CLOCK: variants seen among roughly 807,000 people sequenced by gnomAD.
CLOCK encodes clock circadian regulator, also known as circadian locomoter output cycles protein kaput.
In CLOCK, 43 loss-of-function variants were observed where a neutral mutation model predicts 118.4. The ratio of observed to expected loss-of-function variants is 0.36; its 90% CI spans 0.28 to 0.47. The LOEUF (loss-of-function observed/expected upper bound fraction) is 0.47, where lower values mean the gene tolerates loss of function less well. CLOCK is among the 20% of genes least tolerant of loss of function. The pLI is 1.00. For missense variants in CLOCK, 846 were observed against 999.9 expected, an observed-to-expected ratio of 0.85 and a Z score of 2.08; for synonymous variants, 326 against 339.2, an observed-to-expected ratio of 0.96 and a Z score of 0.43.
Position 55,435,543 on chromosome 4 carries a change from C to G in CLOCK, c.2413G>C (p.Ala805Pro). The G allele has an allele frequency of 1.9e-6, 3 of 1,613,984 alleles. No individual in the cohort carries two copies. The highest frequency in any genetic ancestry group is 3.3e-4 in the Middle Eastern group (2 of 6,060). ...NPSTQLILSA[A>P]FPLQQSTFPQ... ...AAGGTGCTCTGTTGTAGAGGAAATG[C>G]AGCAGAGAGAATGAGTTGAGTTGAG... The change falls in exon 23 of 23, where the codon GCA (alanine) becomes CCA (proline). Residue 805 changes from alanine to proline, a missense_variant. By Grantham distance (27) the Ala-to-Pro change is conservative. Coordinates refer to ENST00000513440, the MANE Select transcript of CLOCK (RefSeq NM_004898.4).
chr4:55,473,661 C>T (rs1726297444), intron 7 of CLOCK, among the ~76,000 whole-genome samples: 1 of 151,936 alleles, frequency 6.6e-6, no homozygotes, highest in African/African-American at 2.4e-5. Context: ...TTTTGTTTTG[C>T]TTTTTGTTTT....
At chr4:55,440,039 AAAAC>A (rs1723228100) in intron 21 of CLOCK, among the ~76,000 whole-genome samples, 2 of 152,200 alleles carry the variant, frequency 1.3e-5, no homozygotes, top group African/African-American at 4.8e-5. Flanking sequence ...TCTATAAAAA[AAAAC>A]CTTTTTCTTT....
chr4:55,542,630 G>A (rs1577886990), intron 1 of CLOCK, among the ~76,000 whole-genome samples: 1 of 151,832 alleles, frequency 6.6e-6, no homozygotes, highest in Non-Finnish European at 1.5e-5. Context: ...TGGAGGAGAG[G>A]GTAGTGCATA....
intron 20 of CLOCK, among the ~76,000 whole-genome samples, chr4:55,442,873 A>G (rs1723488559): frequency 6.6e-6 from 1 of 152,122 alleles, no homozygotes; most frequent in African/African-American, 2.4e-5. Context: ...ATTGTAATAG[A>G]GATGATATAA....
At chr4:55,476,842 A>C (rs958584039) in intron 6 of CLOCK, among the ~76,000 whole-genome samples, 1 of 152,196 alleles carries the variant, frequency 6.6e-6, no homozygotes, top group Non-Finnish European at 1.5e-5. Context: ...AAGCAGGCAG[A>C]ATAAAAATCT....
chr4:55,442,297 T>C, intron 21 of CLOCK, 135 bp downstream of exon 21: 1 of 790,732 alleles, frequency 1.3e-6, no homozygotes, highest in Non-Finnish European at 2.1e-6. Flanking sequence ...TGTTTTTATT[T>C]CAAATTTAAG....
chr4:55,464,255 C>T (rs1458526710), intron 8 of CLOCK, among the ~76,000 whole-genome samples: 1 of 152,110 alleles, frequency 6.6e-6, no homozygotes, highest in Non-Finnish European at 1.5e-5. Context: ...TTCATCTTTT[C>T]CTGGCATTTA....
At chr4:55,448,934 A>G in intron 17 of CLOCK, 66 bp from the exon 18 acceptor site, 1 of 1,197,378 alleles carries the variant, frequency 8.4e-7, no homozygotes, top group Non-Finnish European at 1.2e-6. Context: ...TTCCAGCAGA[A>G]ATATCAATAT....
chr4:55,484,365 C>G (rs1374640299), intron 3 of CLOCK, among the ~76,000 whole-genome samples: 2 of 151,426 alleles, frequency 1.3e-5, no homozygotes, highest in African/African-American at 4.9e-5. Flanking sequence ...GCTAAGAGTT[C>G]TTAAAAGAAA....
intron 3 of CLOCK, among the ~76,000 whole-genome samples, chr4:55,484,766 G>T (rs967505703): frequency 1.3e-5 from 2 of 152,144 alleles, no homozygotes; most frequent in Non-Finnish European, 2.9e-5. Flanking sequence ...AAGGGCAGGG[G>T]GTGGTGGCGG....
chr4:55,464,173 G>A (rs536663122), intron 8 of CLOCK, among the ~76,000 whole-genome samples: 11 of 152,274 alleles, frequency 7.2e-5, no homozygotes, highest in Admixed American at 2.0e-4. Context: ...CTACTATAAA[G>A]GACTATGCAC....
intron 7 of CLOCK, among the ~76,000 whole-genome samples, chr4:55,475,006 A>G (rs987772588): frequency 1.3e-5 from 2 of 152,218 alleles, no homozygotes; most frequent in African/African-American, 2.4e-5. Context: ...TACACTTCAT[A>G]AGGCTACAGT....
At chr4:55,455,430 C>T (rs1717488706) in intron 13 of CLOCK, among the ~76,000 whole-genome samples, 1 of 152,100 alleles carries the variant, frequency 6.6e-6, no homozygotes, top group Non-Finnish European at 1.5e-5. Context: ...AGAACAGTGC[C>T]TGGCACAAAG....
At chr4:55,494,602 A>G (rs111606740) in intron 2 of CLOCK, among the ~76,000 whole-genome samples, 5 of 152,254 alleles carry the variant, frequency 3.3e-5, no homozygotes, top group African/African-American at 1.2e-4. Flanking sequence ...GGGATAAAAG[A>G]CCATACATTG....
At chr4:55,446,157 G>A (rs1560419085) in intron 18 of CLOCK, among the ~76,000 whole-genome samples, 1 of 140,084 alleles carries the variant, frequency 7.1e-6, no homozygotes, top group Non-Finnish European at 1.5e-5. Context: ...GCAGTGGTGT[G>A]ATCACAGCTT....
At position 55,453,136 on chromosome 4, in the gene CLOCK, AT is replaced by A. The variant is rs758644966; in HGVS notation, c.1131-8del. ...AGCCCTAACTTCTGCATAACTACAA[AT>A]GGAAAAAATAATCAAATTTTAGTGT... On this transcript the variant is annotated splice_region_variant and splice_polypyrimidine_tract_variant and intron_variant, in intron 14 of 22. Transcript: ENST00000513440. 1.9e-6 allele frequency: 3 copies of A among 1,610,562 alleles called. No homozygotes were observed. In the Admixed American group the frequency reaches 5.0e-5, roughly 27 times the overall value.
intron 1 of CLOCK, among the ~76,000 whole-genome samples, chr4:55,516,265 C>T (rs1729508251): frequency 6.6e-6 from 1 of 152,136 alleles, no homozygotes; most frequent in Non-Finnish European, 1.5e-5. Flanking sequence ...GGTTTTCTGC[C>T]CGCTACATCT....
chr4:55,531,703 C>CAAAAAAAAAAAAAAAAAAAAAAA (rs373796432), intron 1 of CLOCK, among the ~76,000 whole-genome samples: 1 of 41,248 alleles, frequency 2.4e-5, no homozygotes, highest in Admixed American at 4.5e-4. Context: ...GACTTCGTCT[C>CAAAAAAAAAAAAAAAAAAAAAAA]AAAAAAAAAA....
chr4:55,429,645 C>G lies in CLOCK; in HGVS notation c.*5770G>C, dbSNP rs900953919. 2 of 152,166 alleles carry G rather than the reference C, an allele frequency of 1.3e-5. No homozygotes were observed. The highest frequency in any genetic ancestry group is 2.9e-5 in the Non-Finnish European group (2 of 68,042). The allele number at this position is 152,166 out of a possible 1,614,324, so 9.4% of individuals were successfully genotyped here. A position where few individuals can be genotyped will look rare whatever the true frequency, so the allele number is the denominator to read the frequency against. ...CCATTAAAAGATGCTATTTCTTTTA[C>G]TAACATTTCCCCAAATGGGCAAAAT... is the stretch of plus-strand genomic sequence containing the variant. On this transcript the variant is annotated 3_prime_UTR_variant, in exon 23 of 23. Coordinates refer to ENST00000513440, the MANE Select transcript of CLOCK (RefSeq NM_004898.4).
Sources: gnomAD v4.1 joint callset for allele counts (sites outside exome capture counted in the v4.1 genomes callset) on GRCh38, gnomAD v4.1.1 for gene constraint, MANE v1.5 for transcripts, NCBI Gene and HGNC (gene_info 2026-07-23, HGNC 2026-07-21) for gene names.